SART3: variants seen among roughly 807,000 people sequenced by gnomAD.
SART3 encodes HIV-1 Tat-interacting protein of 110kDa.
Under a neutral mutation model 122.3 loss-of-function variants are expected in SART3, and 44 were observed. That is an observed-to-expected ratio of 0.36 (90% CI 0.28 to 0.46). SART3 has a LOEUF of 0.46. SART3 is among the 20% of genes least tolerant of loss of function. The probability of loss-of-function intolerance (pLI) is 1.00; values close to 1 mark genes in which losing one functional copy is unlikely to be tolerated. For missense variants in SART3, 1,101 were observed against 1,229.0 expected (o/e 0.90, Z 1.56); for synonymous variants, 442 against 454.0 (o/e 0.97, Z 0.34).
At chr12:108,530,910 G>A (rs1451417001) in intron 14 of SART3, among the ~76,000 whole-genome samples, 1 of 151,854 alleles carries the variant, frequency 6.6e-6, no homozygotes, top group African/African-American at 2.4e-5. Context: ...GGGTGTTCAT[G>A]TTCCACTCAC....
At chr12:108,547,853 G>T in intron 3 of SART3, 34 bp downstream of exon 3, 1 of 1,490,830 alleles carries the variant, frequency 6.7e-7, no homozygotes, top group Non-Finnish European at 9.3e-7. Context: ...ATATGACATT[G>T]CCAGATATCC....
intron 1 of SART3, 77 bp from the exon 2 acceptor site, chr12:108,549,291 C>T: frequency 6.9e-7 from 1 of 1,459,042 alleles, no homozygotes; most frequent in Non-Finnish European, 9.5e-7. Flanking sequence ...CTGGTAACTA[C>T]ACATATACCT....
At position 108,543,156 on chromosome 12, in the gene SART3, T is replaced by C. The variant is rs752277436; in HGVS notation, c.782-4A>G. 10 of 1,614,140 alleles carry C rather than the reference T, an allele frequency of 6.2e-6. 1 individual carries two copies. The East Asian group carries it at 6.7e-5, about 11-fold the overall frequency. The stretch of plus-strand genomic sequence containing the variant: ...TCTGCAAATGTGGCCTCCATATCTA[T>C]TGAAAGATGGATTCAGCCCCGTGGG... On this transcript the variant is annotated splice_region_variant and splice_polypyrimidine_tract_variant and intron_variant, in intron 5 of 18. Coordinates refer to ENST00000546815, the MANE Select transcript of SART3 (RefSeq NM_014706.4).
chr12:108,543,169 T>A lies in SART3; in HGVS notation c.782-17A>T. On this transcript the variant is annotated splice_polypyrimidine_tract_variant and intron_variant, in intron 5 of 18. Coordinates refer to ENST00000546815, the MANE Select transcript of SART3 (RefSeq NM_014706.4). ...CCTCCATATCTATTGAAAGATGGATTCAGCCCCGTGGGTCTTGCCATTGGG... is the reference window on the plus strand; with the variant it reads ...CCTCCATATCTATTGAAAGATGGATACAGCCCCGTGGGTCTTGCCATTGGG... 1.2e-6 allele frequency: 2 copies of A among 1,613,852 alleles called. No individual in the cohort carries two copies. The highest frequency in any genetic ancestry group is 3.3e-5 in the Admixed American group (2 of 60,016).
intron 13 of SART3, chr12:108,531,986 G>A (rs1006402): frequency 0.82 from 409,785 of 497,440 alleles, 169,955 homozygotes; most frequent in East Asian, 0.93. Context: ...CCCCCCCACA[G>A]AGAATTAGAA....
chr12:108,549,471 A>C (rs370012588), intron 1 of SART3: 1 of 464,862 alleles, frequency 2.2e-6, no homozygotes, highest in East Asian at 4.2e-5. Context: ...TTGGAAATAA[A>C]GGAGGCATTC....
intron 12 of SART3, chr12:108,532,747 G>C (rs540119880): frequency 4.8e-6 from 1 of 209,630 alleles, no homozygotes; most frequent in African/African-American, 2.3e-5. Flanking sequence ...TTCATACCCA[G>C]AGTCAGATCT....
chr12:108,524,595 G>C, intron 17 of SART3, 89 bp from the exon 18 acceptor site: 1 of 1,257,714 alleles, frequency 8.0e-7, no homozygotes. Context: ...GCTTCCTCCC[G>C]GAGACCAGCA....
chr12:108,546,863 A>G (rs1274764965), intron 3 of SART3, among the ~76,000 whole-genome samples: 1 of 152,012 alleles, frequency 6.6e-6, no homozygotes, highest in Non-Finnish European at 1.5e-5. Context: ...TCTGTTGCCC[A>G]GGCTAGAGTG....
intron 6 of SART3, among the ~76,000 whole-genome samples, chr12:108,540,555 G>A (rs1873113662): frequency 7.1e-6 from 1 of 140,214 alleles, no homozygotes; most frequent in Non-Finnish European, 1.5e-5. Context: ...TGATCTCCAG[G>A]TTCAATGCAA....
At chr12:108,538,907 A>C (rs1450955724) in intron 7 of SART3, 27 bp downstream of exon 7, 1 of 1,614,076 alleles carries the variant, frequency 6.2e-7, no homozygotes, top group Admixed American at 1.7e-5. Flanking sequence ...TGGCAAAAAT[A>C]AAATGAAATT....
At chr12:108,530,097 TA>T in intron 15 of SART3, 44 bp downstream of exon 15, 2 of 1,610,306 alleles carry the variant, frequency 1.2e-6, no homozygotes, top group Non-Finnish European at 1.7e-6. Context: ...GCAACTTCTC[TA>T]ACTTTAAGAC....
At chr12:108,541,157 A>G (rs1260752972) in intron 6 of SART3, among the ~76,000 whole-genome samples, 1 of 152,232 alleles carries the variant, frequency 6.6e-6, no homozygotes, top group Non-Finnish European at 1.5e-5. Flanking sequence ...CTGTAATCCC[A>G]GCCCTTTGGG....
At chr12:108,544,541 GC>G in intron 4 of SART3, 63 bp from the exon 5 acceptor site, 1 of 1,610,638 alleles carries the variant, frequency 6.2e-7, no homozygotes, top group Non-Finnish European at 8.5e-7. Flanking sequence ...GGCTAAAGAA[GC>G]AAATTAGTAG....
At chr12:108,541,441 A>C (rs1394705744) in intron 6 of SART3, among the ~76,000 whole-genome samples, 1 of 152,168 alleles carries the variant, frequency 6.6e-6, no homozygotes, top group East Asian at 1.9e-4. Context: ...ACAACTGGGG[A>C]GAAAATCTGC....
At chr12:108,555,557 C>T (rs908567690) in intron 1 of SART3, among the ~76,000 whole-genome samples, 10 of 152,082 alleles carry the variant, frequency 6.6e-5, no homozygotes, top group African/African-American at 1.4e-4. Flanking sequence ...CCCAGCTACT[C>T]GAAAGGCTGA....
chr12:108,535,231 A>AAG, intron 12 of SART3, 128 bp downstream of exon 12: 1 of 774,798 alleles, frequency 1.3e-6, no homozygotes, highest in Non-Finnish European at 2.3e-6. Flanking sequence ...CCACTACTGA[A>AAG]AGAGACAGAA....
intron 3 of SART3, among the ~76,000 whole-genome samples, chr12:108,547,326 G>T (rs754799836): frequency 5.9e-5 from 9 of 152,192 alleles, no homozygotes; most frequent in Non-Finnish European, 1.3e-4. Flanking sequence ...GAACAGCTCT[G>T]TATCTGGACT....
intron 1 of SART3, among the ~76,000 whole-genome samples, chr12:108,553,019 A>G (rs2030071943): frequency 6.6e-6 from 1 of 152,198 alleles, no homozygotes; most frequent in African/African-American, 2.4e-5. Context: ...GAACCCAGTA[A>G]CAGACCCACA....
Sources: allele counts gnomAD v4.1 joint callset (sites outside exome capture counted in the v4.1 genomes callset), GRCh38; gene constraint gnomAD v4.1.1; transcripts MANE v1.5; gene names NCBI Gene and HGNC (gene_info 2026-07-23, HGNC 2026-07-21).